Variants in USH2A observed in about 807,000 individuals in gnomAD.
The protein encoded by USH2A is Usher syndrome 2A (autosomal recessive, mild).
In USH2A, 443 loss-of-function variants were observed where a neutral mutation model predicts 538.9. The observed-to-expected ratio is 0.82, with a 90% CI of 0.76 to 0.89. The LOEUF (loss-of-function observed/expected upper bound fraction) is 0.89, where lower values mean the gene tolerates loss of function less well. USH2A is among the 40% of genes least tolerant of loss of function. The pLI is 0.00. For synonymous variants in USH2A, 2,413 were observed against 2,273.5 expected (o/e 1.06, Z -1.75); for missense variants, 6,633 against 6,324.8 (o/e 1.05, Z -1.65).
intron 14 of USH2A, among the ~76,000 whole-genome samples, chr1:216,230,588 T>C (rs1040403027): frequency 2.6e-5 from 4 of 152,174 alleles, no homozygotes; most frequent in African/African-American, 9.6e-5. Flanking sequence ...TTAAGTTCTT[T>C]TTCAGTAATT....
At chr1:215,773,697 T>C (rs1215221745) in intron 55 of USH2A, among the ~76,000 whole-genome samples, 1 of 152,126 alleles carries the variant, frequency 6.6e-6, no homozygotes, top group Non-Finnish European at 1.5e-5. Context: ...TGATGTTGCT[T>C]CCTTTTGCCC....
intron 11 of USH2A, among the ~76,000 whole-genome samples, chr1:216,282,933 C>G (rs2036809935): frequency 6.6e-6 from 1 of 152,088 alleles, no homozygotes; most frequent in African/African-American, 2.4e-5. Context: ...ACTTCTTTTA[C>G]TAAATGTTTT....
At chr1:215,875,509 C>A (rs908731515) in intron 43 of USH2A, among the ~76,000 whole-genome samples, 2 of 152,070 alleles carry the variant, frequency 1.3e-5, no homozygotes, top group African/African-American at 4.8e-5. Context: ...TGGAAATTCA[C>A]TTTATTTTTT....
At chr1:216,056,352 G>C (rs2030973556) in intron 30 of USH2A, among the ~76,000 whole-genome samples, 1 of 152,170 alleles carries the variant, frequency 6.6e-6, no homozygotes. Flanking sequence ...CATCCCTTAT[G>C]ATCAGTGTCC....
Position 216,070,293 on chromosome 1 carries a change from C to T in USH2A, c.5858-1G>A, listed in dbSNP as rs397518023. ...GAGGGAGTTGGCACACTTTGTGGAG[C>T]TGTGAAGGAATAAAAGAGAAAATAG... On this transcript the variant is annotated splice_acceptor_variant, in intron 29 of 71. Transcript: ENST00000307340. LOFTEE classifies it high-confidence loss of function. The T allele has an allele frequency of 6.2e-7, 1 of 1,613,790 alleles. No homozygotes were observed. Among genetic ancestry groups the T allele is most frequent in the East Asian group, 2.2e-5 (1 of 44,856 alleles).
chr1:216,028,651 A>G (rs1380950508), intron 32 of USH2A, among the ~76,000 whole-genome samples: 1 of 152,080 alleles, frequency 6.6e-6, no homozygotes, highest in Non-Finnish European at 1.5e-5. Flanking sequence ...CAAAAGACAA[A>G]GCGGAAAAAA....
chr1:215,853,437 C>A (rs970067382), intron 44 of USH2A, among the ~76,000 whole-genome samples: 2 of 152,204 alleles, frequency 1.3e-5, no homozygotes, highest in Non-Finnish European at 2.9e-5. Context: ...AGACCTCTGA[C>A]ATGCCCTGGA....
intron 4 of USH2A, among the ~76,000 whole-genome samples, chr1:216,346,557 C>T (rs1172962034): frequency 3.3e-5 from 5 of 151,986 alleles, no homozygotes; most frequent in Admixed American, 3.3e-4. Flanking sequence ...TGGCTCTTTG[C>T]ACATTTGGAT....
intron 21 of USH2A, among the ~76,000 whole-genome samples, chr1:216,161,677 T>A (rs1208583950): frequency 1.3e-5 from 2 of 152,078 alleles, no homozygotes; most frequent in African/African-American, 4.8e-5. Flanking sequence ...TAATACACTT[T>A]ATGATTTTTA....
At chr1:215,953,572 T>C (rs1415808185) in intron 37 of USH2A, among the ~76,000 whole-genome samples, 1 of 152,016 alleles carries the variant, frequency 6.6e-6, no homozygotes, top group Non-Finnish European at 1.5e-5. Flanking sequence ...TCAAGATGGA[T>C]TAAAGACTTA....
In USH2A at chr1:215,965,351, T is replaced by C. The variant is rs1667313876; in HGVS notation, c.7086A>G (p.Ser2362=). ...CATAGAATATCCCAGTGAAAAGGAC[T>C]GAGTGTGTTAAGAGTCCATTAGGGC... ...PFRPNGLLTH[S]VLFTGIFYVD... Residue 2362 remains serine (S), a synonymous_variant, in exon 37 of 72, where the codon TCA becomes TCG. Coordinates refer to ENST00000307340, the MANE Select transcript of USH2A (RefSeq NM_206933.4). 6.2e-7 allele frequency: 1 copy of C among 1,613,834 alleles called. No homozygotes were observed. Among genetic ancestry groups the C allele is most frequent in the South Asian group, 1.1e-5 (1 of 91,064 alleles).
At chr1:215,938,094 T>C (rs1208793687) in intron 37 of USH2A, among the ~76,000 whole-genome samples, 1 of 152,062 alleles carries the variant, frequency 6.6e-6, no homozygotes, top group Non-Finnish European at 1.5e-5. Flanking sequence ...TACTCAGTAA[T>C]TATAAGAAGT....
At chr1:216,296,272 G>A (rs183107282) in intron 9 of USH2A, among the ~76,000 whole-genome samples, 320 of 151,992 alleles carry the variant, frequency 2.1e-3, no homozygotes, top group Non-Finnish European at 3.6e-3. Context: ...TAAACTCTAT[G>A]GTCAATTAAA....
intron 32 of USH2A, among the ~76,000 whole-genome samples, chr1:216,020,819 G>T (rs1410598531): frequency 6.6e-6 from 1 of 152,170 alleles, no homozygotes; most frequent in African/African-American, 2.4e-5. Context: ...ATTTGAGGAG[G>T]TTTGTCATCT....
intron 32 of USH2A, among the ~76,000 whole-genome samples, chr1:216,043,844 G>A (rs1357220868): frequency 6.6e-6 from 1 of 152,094 alleles, no homozygotes; most frequent in Non-Finnish European, 1.5e-5. Flanking sequence ...CCTGTGGACT[G>A]ATGCAGCTTT....
chr1:216,010,587 A>G (rs983191909), intron 32 of USH2A, among the ~76,000 whole-genome samples: 1 of 151,184 alleles, frequency 6.6e-6, no homozygotes, highest in Non-Finnish European at 1.5e-5. Flanking sequence ...GAGGCTACTC[A>G]CTCCACATCA....
At chr1:216,339,504 A>AT (rs543284250) in intron 4 of USH2A, among the ~76,000 whole-genome samples, 12 of 151,778 alleles carry the variant, frequency 7.9e-5, no homozygotes, top group African/African-American at 2.7e-4. Context: ...TTGTTGATGA[A>AT]TTTTTTTGTT....
At chr1:216,066,708 CAG>C (rs1270087288) in intron 30 of USH2A, among the ~76,000 whole-genome samples, 1 of 152,108 alleles carries the variant, frequency 6.6e-6, no homozygotes, top group East Asian at 1.9e-4. Context: ...TTAAAGCAAA[CAG>C]AGGTTTATTG....
intron 47 of USH2A, among the ~76,000 whole-genome samples, chr1:215,828,506 C>A: frequency 6.6e-6 from 1 of 152,118 alleles, no homozygotes; most frequent in East Asian, 1.9e-4. Context: ...GTTTAGCATT[C>A]ATTTAGAGAC....
Sources: gnomAD v4.1 joint callset for allele counts (sites outside exome capture counted in the v4.1 genomes callset) on GRCh38, gnomAD v4.1.1 for gene constraint, MANE v1.5 for transcripts, NCBI Gene and HGNC (gene_info 2026-07-23, HGNC 2026-07-21) for gene names.